The following EIF5B variants were observed in gnomAD, a reference collection of about 807,000 sequenced individuals.
The protein encoded by EIF5B is eukaryotic translation initiation factor 5B, also known as eIF-5B.
In EIF5B, 47 loss-of-function variants were observed where a neutral mutation model predicts 147.5. The ratio of observed to expected loss-of-function variants is 0.32; its 90% CI spans 0.25 to 0.41. The LOEUF (loss-of-function observed/expected upper bound fraction) is 0.41, where lower values mean the gene tolerates loss of function less well. Among genes scored for constraint, EIF5B ranks in the 10% least tolerant of loss-of-function variants. The pLI, the probability that EIF5B is intolerant of heterozygous loss-of-function variation, is 1.00. For synonymous variants in EIF5B, 455 were observed against 456.2 expected, an observed-to-expected ratio of 1.00 and a Z score of 0.03; for missense variants, 1,064 against 1,413.2, an observed-to-expected ratio of 0.75 and a Z score of 3.96.
Position 99,361,681 on chromosome 2 carries a change from A to G in EIF5B, c.780A>G (p.Glu260=). 2.5e-6 allele frequency: 4 copies of G among 1,601,448 alleles called. 1 individual carries two copies. The highest frequency in any genetic ancestry group is 3.4e-6 in the Non-Finnish European group (4 of 1,177,176). The change falls in exon 4 of 24, where the codon GAA becomes GAG. Residue 260 remains glutamate, a synonymous_variant. Coordinates refer to ENST00000289371, the MANE Select transcript of EIF5B (RefSeq NM_015904.4). ...AGCTGAAAGAAAAAGAAGAGTTAGA[A>G]ACAGGTAAAAAGGATCAGAGTAAAC... ...LRKLKEKEEL[E]TGKKDQSKQK... is the part of the protein sequence containing the mutation.
Position 99,368,603 on chromosome 2 carries a change from A to G in EIF5B, c.1387+12A>G, listed in dbSNP as rs374244254. The G allele has an allele frequency of 6.2e-5, 97 of 1,570,760 alleles. No individual in the cohort carries two copies. Among genetic ancestry groups the G allele is most frequent in the Non-Finnish European group, 7.9e-5 (90 of 1,142,608 alleles). On this transcript the variant is annotated intron_variant, in intron 7 of 23. Transcript: ENST00000289371. ...AGAAAGTAAAGAAGGTTTGTATACA[A>G]AATAGCCTCTAATTTAGGAAATATG...
At chr2:99,378,601 A>G (rs866290229) in intron 10 of EIF5B, among the ~76,000 whole-genome samples, 82 of 152,356 alleles carry the variant, frequency 5.4e-4, no homozygotes, top group African/African-American at 1.8e-3. Context: ...CTTAGGTTCC[A>G]GTGAATTTTT....
chr2:99,391,402 A>C (rs1004585966), intron 17 of EIF5B, among the ~76,000 whole-genome samples: 2 of 152,182 alleles, frequency 1.3e-5, no homozygotes, highest in Admixed American at 6.5e-5. Flanking sequence ...GTTTTTTAAC[A>C]TTTTTAATTG....
chr2:99,381,444 C>G (rs1674686126), intron 12 of EIF5B, among the ~76,000 whole-genome samples: 1 of 151,034 alleles, frequency 6.6e-6, no homozygotes, highest in Non-Finnish European at 1.5e-5. Context: ...TGATGTAGAT[C>G]AGGATACCAA....
At chr2:99,380,091 G>A (rs938090240) in intron 12 of EIF5B, among the ~76,000 whole-genome samples, 3 of 152,168 alleles carry the variant, frequency 2.0e-5, no homozygotes, top group Non-Finnish European at 4.4e-5. Context: ...ATAGAGAAAC[G>A]TTACCTAATC....
At chr2:99,369,802 C>T (rs1002815140) in intron 8 of EIF5B, among the ~76,000 whole-genome samples, 9 of 152,054 alleles carry the variant, frequency 5.9e-5, no homozygotes, top group Admixed American at 1.3e-4. Context: ...CGGTGAAACT[C>T]CATCTCTACT....
chr2:99,369,832 C>T (rs777293774), intron 8 of EIF5B, among the ~76,000 whole-genome samples: 7 of 151,870 alleles, frequency 4.6e-5, no homozygotes, highest in Admixed American at 2.0e-4. Context: ...AAAAATTAGC[C>T]GGGGGTGGTG....
chr2:99,346,629 C>G (rs971797550), intron 1 of EIF5B, among the ~76,000 whole-genome samples: 3 of 106,814 alleles, frequency 2.8e-5, no homozygotes, highest in Non-Finnish European at 5.2e-5. Context: ...GAAGGTGTCT[C>G]AAGCAATCTC....
Position 99,376,427 on chromosome 2 carries a change from G to A in EIF5B, c.1633G>A (p.Glu545Lys). The change falls in exon 10 of 24, where the codon GAA becomes AAA. Residue 545 changes from glutamate to lysine, a missense_variant. This residue lies in a region of EIF5B where 195 missense variants were observed against 186.3 expected (regional missense o/e 1.05). Transcript: ENST00000289371. The part of the protein sequence containing the change: ...EEEEEEEEED[E>K]ESEEEEEEEG... Reference sequence around the variant, plus strand: ...GGAGGAAGAAGAGGAAGAAGAAGATGAAGAAAGTGAAGAAGAGGAGGAAGA... The same window carrying A: ...GGAGGAAGAAGAGGAAGAAGAAGATAAAGAAAGTGAAGAAGAGGAGGAAGA... 6.3e-7 allele frequency: 1 copy of A among 1,576,386 alleles called. No homozygotes were observed. The highest frequency in any genetic ancestry group is 8.7e-7 in the Non-Finnish European group (1 of 1,148,128).
At chr2:99,380,129 A>T (rs1674658969) in intron 12 of EIF5B, among the ~76,000 whole-genome samples, 1 of 152,216 alleles carries the variant, frequency 6.6e-6, no homozygotes, top group Non-Finnish European at 1.5e-5. Context: ...GTGATGGCTT[A>T]TTTAGGAAAG....
At chr2:99,352,643 AT>A (rs1169091734) in intron 1 of EIF5B, among the ~76,000 whole-genome samples, 2 of 150,648 alleles carry the variant, frequency 1.3e-5, no homozygotes, top group African/African-American at 2.4e-5. Flanking sequence ...TGCCTGGCTA[AT>A]TTTTTTTCTA....
At chr2:99,368,353 G>C (rs1674372091) in intron 6 of EIF5B, 140 bp from the exon 7 acceptor site, 3 of 684,740 alleles carry the variant, frequency 4.4e-6, no homozygotes, top group Non-Finnish European at 7.7e-6. Context: ...ATATGTAAAA[G>C]ATACAAGTTT....
chr2:99,382,671 T>A (rs192661207), intron 13 of EIF5B, 109 bp from the exon 14 acceptor site: 1 of 1,121,934 alleles, frequency 8.9e-7, no homozygotes, highest in African/African-American at 1.6e-5. Flanking sequence ...TTGAACAATT[T>A]AATACATATA....
chr2:99,381,796 A>G (rs1360705819), intron 12 of EIF5B, among the ~76,000 whole-genome samples: 6 of 152,046 alleles, frequency 3.9e-5, no homozygotes, highest in Admixed American at 6.6e-5. Context: ...GACCACATAA[A>G]TTTTCCCAAT....
At chr2:99,371,847 G>A in intron 9 of EIF5B, 117 bp downstream of exon 9, 1 of 924,562 alleles carries the variant, frequency 1.1e-6, no homozygotes, top group Non-Finnish European at 1.5e-6. Flanking sequence ...TGGGGATAGG[G>A]ATAAGTCTCT....
At chr2:99,382,279 G>A (rs529259341) in intron 13 of EIF5B, 53 bp downstream of exon 13, 5 of 1,519,538 alleles carry the variant, frequency 3.3e-6, no homozygotes, top group South Asian at 2.3e-5. Context: ...AAACCATTAA[G>A]TCTAAAAGTT....
intron 22 of EIF5B, chr2:99,398,127 G>A (rs367552893): frequency 1.6e-4 from 24 of 152,274 alleles, no homozygotes; most frequent in African/African-American, 5.8e-4. Flanking sequence ...AATGGGCAAT[G>A]GCACTTAGAA....
At chr2:99,358,875 A>G (rs1462232711) in intron 1 of EIF5B, among the ~76,000 whole-genome samples, 3 of 152,194 alleles carry the variant, frequency 2.0e-5, no homozygotes, top group Non-Finnish European at 2.9e-5. Flanking sequence ...GCACATTTCA[A>G]TTCTGGCCAA....
chr2:99,382,066 T>TA, intron 12 of EIF5B, 93 bp from the exon 13 acceptor site: 1 of 1,020,396 alleles, frequency 9.8e-7, no homozygotes, highest in South Asian at 1.5e-5. Flanking sequence ...GGAGTAGTGA[T>TA]ACTTTCAGAG....
Sources: gnomAD v4.1 joint callset for allele counts (sites outside exome capture counted in the v4.1 genomes callset) on GRCh38, gnomAD v4.1.1 for gene constraint, gnomAD v4.1.1 regional missense constraint, MANE v1.5 for transcripts, NCBI Gene and HGNC (gene_info 2026-07-23, HGNC 2026-07-21) for gene names.